Variants in DNMT1 observed in about 807,000 individuals in gnomAD.
DNMT1 encodes the protein DNA methyltransferase 1.
DNMT1 carries 24 observed loss-of-function variants against 205.3 expected under a neutral mutation model. That is an observed-to-expected ratio of 0.12 (90% CI 0.08 to 0.16). DNMT1 has a LOEUF of 0.16. Among genes scored for constraint, DNMT1 ranks in the 10% least tolerant of loss-of-function variants. The pLI, the probability that DNMT1 is intolerant of heterozygous loss-of-function variation, is 1.00. For synonymous variants in DNMT1, 817 were observed against 839.8 expected (o/e 0.97, Z 0.47); for missense variants, 1,293 against 2,177.7 (o/e 0.59, Z 8.09).
rs2038206649 is a variant in DNMT1 at position 10,146,494 on chromosome 19, C to G, written c.2751G>C (p.Glu917Asp). 1 of 1,614,126 alleles carries G rather than the reference C, an allele frequency of 6.2e-7. No individual in the cohort carries two copies. Among genetic ancestry groups the G allele is most frequent in the South Asian group, 1.1e-5 (1 of 91,080 alleles). ...KFCVSCARLA[E>D]MRQKEIPRVL... Reference sequence around the variant, plus strand: ...CCCTGGGGATTTCTTTTTGCCTCATCTCAGCCAGACGGGCACAGCTCACAC... The same window carrying G: ...CCCTGGGGATTTCTTTTTGCCTCATGTCAGCCAGACGGGCACAGCTCACAC... Residue 917 changes from glutamate (E) to aspartate (D), a missense_variant, in exon 28 of 41, where the codon GAG becomes GAC. Transcript: ENST00000359526. This position sits in a 1 kb window ranked among gnomAD's most constrained non-coding sequence, Gnocchi z 4.4.
At position 10,140,667 on chromosome 19, in the gene DNMT1, C is replaced by T; in HGVS notation, c.3523+114G>A. The T allele has an allele frequency of 6.3e-7, 1 of 1,586,634 alleles. No individual in the cohort carries two copies. The highest frequency in any genetic ancestry group is 1.3e-5 in the African/African-American group (1 of 74,490). Reference sequence around the variant, plus strand: ...ACAGGCGTGCGCCACCGTGCCTGGCCTCGGAAGGAGATTCTTGAGTCAGGA... The same window carrying T: ...ACAGGCGTGCGCCACCGTGCCTGGCTTCGGAAGGAGATTCTTGAGTCAGGA... On this transcript the variant is annotated intron_variant, in intron 32 of 40. Coordinates refer to ENST00000359526, the MANE Select transcript of DNMT1 (RefSeq NM_001130823.3). This position sits in a 1 kb window ranked among gnomAD's most constrained non-coding sequence, Gnocchi z 8.4.
At chr19:10,186,359 C>T (rs536532206) in intron 1 of DNMT1, among the ~76,000 whole-genome samples, 2 of 152,248 alleles carry the variant, frequency 1.3e-5, no homozygotes, top group South Asian at 2.1e-4. Context: ...ACTTTAGCGA[C>T]ATCCCTTCCC....
intron 1 of DNMT1, among the ~76,000 whole-genome samples, chr19:10,182,442 CATATATATGTGTATATATAT>C (rs2039076429): frequency 8.3e-6 from 1 of 120,624 alleles, no homozygotes; most frequent in Non-Finnish European, 1.7e-5. Flanking sequence ...TATATATATA[CATATATATGTGTATATATAT>C]GTGTGTATAT....
rs187613005 is a variant in DNMT1, at chr19:10,186,932, A to G, written c.81-4855T>C. 1.8e-3 allele frequency among the ~76,000 whole-genome samples: 271 copies of G among 152,062 alleles called. 2 individuals are homozygous for G. The highest frequency in any genetic ancestry group is 5.3e-3 in the African/African-American group (218 of 41,510). On this transcript the variant is annotated intron_variant, in intron 1 of 40. Coordinates refer to ENST00000359526, the MANE Select transcript of DNMT1 (RefSeq NM_001130823.3). ...CTGCGGGATTCCCAAGAGAAAGGGTATAACAGCCTCAGGAAGAAGTTGACA... is the reference window on the plus strand; with the variant it reads ...CTGCGGGATTCCCAAGAGAAAGGGTGTAACAGCCTCAGGAAGAAGTTGACA...
In DNMT1 at chr19:10,172,685, G is replaced by T. The variant is rs557744372; in HGVS notation, c.768+405C>A. Among the ~76,000 whole-genome samples the T allele has an allele frequency of 3.9e-5, 6 of 152,064 alleles. No individual in the cohort carries two copies. In the South Asian group the frequency reaches 6.2e-4, roughly 16 times the overall value. On this transcript the variant is annotated intron_variant, in intron 9 of 40. Coordinates refer to ENST00000359526, the MANE Select transcript of DNMT1 (RefSeq NM_001130823.3). ...CTAAAATTAGCCGAGTATGGCGGCG[G>T]GCGCCTGTAGTCCCAGTGACTCAAG...
chr19:10,160,199 T>A, intron 14 of DNMT1, 136 bp from the exon 15 acceptor site: 1 of 1,538,070 alleles, frequency 6.5e-7, no homozygotes, highest in Non-Finnish European at 8.8e-7. Context: ...CCCAGGCGCG[T>A]GGTCACAGTG....
At chr19:10,190,522 C>A (rs556321865) in intron 1 of DNMT1, among the ~76,000 whole-genome samples, 1 of 151,898 alleles carries the variant, frequency 6.6e-6, no homozygotes, top group Non-Finnish European at 1.5e-5. Context: ...CAACACTTTG[C>A]GGGGCTGAGG....
At chr19:10,163,410 A>G (rs766287941) in intron 11 of DNMT1, 50 bp from the exon 12 acceptor site, 11 of 1,590,106 alleles carry the variant, frequency 6.9e-6, no homozygotes, top group Non-Finnish European at 9.5e-6. Flanking sequence ...GGAAAAAATT[A>G]GTTTCTGAGC....
intron 22 of DNMT1, among the ~76,000 whole-genome samples, chr19:10,152,384 G>A (rs931328534): frequency 1.3e-5 from 2 of 151,622 alleles, no homozygotes; most frequent in African/African-American, 4.8e-5. Context: ...ACATTGGGAG[G>A]CTGAAGCAGA....
intron 1 of DNMT1, among the ~76,000 whole-genome samples, chr19:10,194,375 G>A (rs542534159): frequency 1.3e-5 from 2 of 151,138 alleles, no homozygotes; most frequent in East Asian, 2.0e-4. Context: ...CACCACAGAA[G>A]CGCCCCCGGG....
At position 10,162,314 on chromosome 19, in the gene DNMT1, T is replaced by C. The variant is rs116895427; in HGVS notation, c.1008+353A>G. 5.1e-3 allele frequency among the ~76,000 whole-genome samples: 780 copies of C among 152,042 alleles called. 4 individuals are homozygous for C. The highest frequency in any genetic ancestry group is 0.017 in the Middle Eastern group (5 of 294). ...CCACCACGCCCAGCTAATTTTGCTG[T>C]GTCCCCAGCCTGGAGTGCGATCTCG... is the stretch of plus-strand genomic sequence containing the variant. On this transcript the variant is annotated intron_variant, in intron 13 of 40. Coordinates refer to ENST00000359526, the MANE Select transcript of DNMT1 (RefSeq NM_001130823.3).
Position 10,156,783 on chromosome 19 carries a change from A to G in DNMT1, c.1281-274T>C, listed in dbSNP as rs1466581569. ...CAGGCCTGAACCACCATGCCCGGCT[A>G]ATTGTTGTATTTTTAGTAGGGACGG... On this transcript the variant is annotated intron_variant, in intron 17 of 40. Coordinates refer to ENST00000359526, the MANE Select transcript of DNMT1 (RefSeq NM_001130823.3). This position sits in a 1 kb window ranked among gnomAD's most constrained non-coding sequence, Gnocchi z 4.2. 6.6e-6 allele frequency among the ~76,000 whole-genome samples: 1 copy of G among 151,160 alleles called. No individual in the cohort carries two copies. The highest frequency in any genetic ancestry group is 1.9e-4 in the East Asian group (1 of 5,154).
Position 10,143,845 on chromosome 19 carries a change from T to C in DNMT1, c.3037A>G (p.Lys1013Glu), listed in dbSNP as rs758453625. ...APEPYRIGRI[K>E]EIFCPKKSNG... is the part of the protein sequence containing the mutation. ...CTCTTCTTGGGACAGAAGATCTCTT[T>C]GATCCGGCCAATTCGGTAGGGCTCA... The change falls in exon 29 of 41, where the codon AAA becomes GAA. Residue 1013 changes from lysine to glutamate, a missense_variant. By Grantham distance (56) the Lys-to-Glu change is moderately conservative. This residue lies in a region of DNMT1 where 167 missense variants were observed against 258.1 expected (regional missense o/e 0.65). Coordinates refer to ENST00000359526, the MANE Select transcript of DNMT1 (RefSeq NM_001130823.3). 6.2e-6 allele frequency: 10 copies of C among 1,614,068 alleles called. No individual in the cohort carries two copies. In the Admixed American group the frequency reaches 1.2e-4, roughly 19 times the overall value.
At chr19:10,182,476 T>C (rs372870892) in intron 1 of DNMT1, among the ~76,000 whole-genome samples, 1 of 128,082 alleles carries the variant, frequency 7.8e-6, no homozygotes, top group East Asian at 2.1e-4. Context: ...TGTATATATA[T>C]ACATATATAT....
chr19:10,140,341 G>A lies in DNMT1; in HGVS notation c.3524-13C>T. 1 of 1,613,256 alleles carries A rather than the reference G, an allele frequency of 6.2e-7. No homozygotes were observed. Among genetic ancestry groups the A allele is most frequent in the Non-Finnish European group, 8.5e-7 (1 of 1,179,996 alleles). On this transcript the variant is annotated splice_polypyrimidine_tract_variant and intron_variant, in intron 32 of 40. Transcript: ENST00000359526. The surrounding 1 kb of genome is among the most constrained non-coding windows in gnomAD (Gnocchi z 8.4). ...GTGTCAGAGATGCCTGGCAGATCAAGCACGAAGCCATGCTTTCAACTCTCC... is the reference window on the plus strand; with the variant it reads ...GTGTCAGAGATGCCTGGCAGATCAAACACGAAGCCATGCTTTCAACTCTCC...
At chr19:10,183,119 A>G (rs1306283319) in intron 1 of DNMT1, among the ~76,000 whole-genome samples, 1 of 126,730 alleles carries the variant, frequency 7.9e-6, no homozygotes, top group Non-Finnish European at 1.6e-5. Context: ...GTGTATATAT[A>G]TATATATTTT....
chr19:10,157,793 G>A (rs1294267799), intron 17 of DNMT1, among the ~76,000 whole-genome samples: 3 of 152,204 alleles, frequency 2.0e-5, no homozygotes, highest in Non-Finnish European at 4.4e-5. Flanking sequence ...TGAAGCCAGC[G>A]TGGATCAAGG....
At position 10,138,101 on chromosome 19, in the gene DNMT1, T is replaced by G. The variant is rs2089529162; in HGVS notation, c.4116-92A>C. 3.5e-6 allele frequency: 5 copies of G among 1,442,618 alleles called. No homozygotes were observed. The highest frequency in any genetic ancestry group is 3.8e-6 in the Non-Finnish European group (4 of 1,056,696). The allele number at this position is 1,442,618 out of a possible 1,614,324, so 89.4% of individuals were successfully genotyped here. A position where few individuals can be genotyped will look rare whatever the true frequency, so the allele number is the denominator to read the frequency against. Reference sequence around the variant, plus strand: ...CCACCCCCTGCCTGCTCAGATGGCCTTCTCCCGAGATCACAGCACTGCCCG... The same window carrying G: ...CCACCCCCTGCCTGCTCAGATGGCCGTCTCCCGAGATCACAGCACTGCCCG... On this transcript the variant is annotated intron_variant, in intron 35 of 40. Coordinates refer to ENST00000359526, the MANE Select transcript of DNMT1 (RefSeq NM_001130823.3). The surrounding 1 kb of genome is among the most constrained non-coding windows in gnomAD (Gnocchi z 4.1).
At chr19:10,149,105 C>T (rs1306461580) in intron 26 of DNMT1, 88 bp from the exon 27 acceptor site, 4 of 1,562,768 alleles carry the variant, frequency 2.6e-6, no homozygotes, top group East Asian at 2.3e-5. Context: ...GGGTGGATCA[C>T]CTAAGGTCAG....
Sources: gnomAD v4.1 joint callset for allele counts (sites outside exome capture counted in the v4.1 genomes callset) on GRCh38, gnomAD v4.1.1 for gene constraint, gnomAD v4.1.1 regional missense constraint, Gnocchi (gnomAD v3.1) non-coding constraint, MANE v1.5 for transcripts, NCBI Gene and HGNC (gene_info 2026-07-23, HGNC 2026-07-21) for gene names.